The following TRAFD1 variants were observed in gnomAD, a reference collection of about 807,000 sequenced individuals.
The protein encoded by TRAFD1 is TRAF-type zinc finger domain-containing protein 1.
A neutral mutation model predicts 65.3 loss-of-function variants in TRAFD1; 38 were observed. The observed-to-expected ratio is 0.58, with a 90% CI of 0.45 to 0.76. The LOEUF is 0.76. Ranked by LOEUF, TRAFD1 falls within the 30% of genes least tolerant of loss-of-function variation. The probability of loss-of-function intolerance (pLI) is 0.00; values close to 1 mark genes in which losing one functional copy is unlikely to be tolerated. For missense variants in TRAFD1, 631 were observed against 712.6 expected (o/e 0.89, Z 1.30); for synonymous variants, 223 against 257.2 (o/e 0.87, Z 1.27).
intron 2 of TRAFD1, among the ~76,000 whole-genome samples, chr12:112,132,803 T>G (rs1248298242): frequency 6.6e-5 from 10 of 152,216 alleles, no homozygotes; most frequent in African/African-American, 2.2e-4. Context: ...TAAAGGTTAT[T>G]AAAAGAGAAA....
rs768683678 is a variant in TRAFD1 at position 112,140,974 on chromosome 12, C to T, written c.393C>T (p.His131=). 6.2e-7 allele frequency: 1 copy of T among 1,614,112 alleles called. No homozygotes were observed. Among genetic ancestry groups the T allele is most frequent in the Admixed American group, 1.7e-5 (1 of 60,012 alleles). ...TCCTTGTGAAAGATCTGAAGACTCACCCTGAAGTTTGTGGGAGAGAGGGGG... is the reference window on the plus strand; with the variant it reads ...TCCTTGTGAAAGATCTGAAGACTCATCCTGAAGTTTGTGGGAGAGAGGGGG... ...RNVLVKDLKT[H]PEVCGREGEE... is the part of the protein sequence containing the mutation. The change falls in exon 5 of 12, where the codon CAC becomes CAT. Residue 131 remains histidine, a synonymous_variant. Transcript: ENST00000412615.
At chr12:112,140,645 A>G (rs566991519) in intron 4 of TRAFD1, among the ~76,000 whole-genome samples, 174 bp from the exon 5 acceptor site, 3 of 152,258 alleles carry the variant, frequency 2.0e-5, no homozygotes, top group East Asian at 3.9e-4. Context: ...ACATTGTGGC[A>G]GGAACAAAAG....
chr12:112,142,255 C>T lies in TRAFD1; in HGVS notation c.810C>T (p.Asp270=). Residue 270 remains aspartate, a synonymous_variant, in exon 6 of 12, where the codon GAC becomes GAT. Transcript: ENST00000412615. ...TCTGGAGGGCCGTATGTGAGGCCGA[C>T]CAGTCTCATGGCGGTCCCAGGTCTC... ...QDFWRAVCEA[D]QSHGGPRSLS... 6.2e-7 allele frequency: 1 copy of T among 1,613,818 alleles called. No individual in the cohort carries two copies. Among genetic ancestry groups the T allele is most frequent in the Non-Finnish European group, 8.5e-7 (1 of 1,179,850 alleles).
At chr12:112,146,722 C>T (rs2030258687) in intron 7 of TRAFD1, among the ~76,000 whole-genome samples, 1 of 152,132 alleles carries the variant, frequency 6.6e-6, no homozygotes, top group Admixed American at 6.6e-5. Flanking sequence ...GGTCAGGAAC[C>T]ACACCTGTGT....
In TRAFD1 at chr12:112,149,810, A is replaced by C; in HGVS notation, c.1218A>C (p.Arg406Ser). The C allele has an allele frequency of 6.2e-7, 1 of 1,614,148 alleles. No individual in the cohort carries two copies. Among genetic ancestry groups the C allele is most frequent in the Non-Finnish European group, 8.5e-7 (1 of 1,180,020 alleles). The change falls in exon 9 of 12, where the codon AGA (arginine) becomes AGC (serine). Residue 406 changes from arginine to serine, a missense_variant. Physicochemically the swap from Arg to Ser is moderately radical, Grantham distance 110. Coordinates refer to ENST00000412615, the MANE Select transcript of TRAFD1 (RefSeq NM_006700.3). ...ACCATGTGACAGAGGGGATTCCTAGACTGGATTCCCAGCCTCAAGAGACCT... is the reference window on the plus strand; with the variant it reads ...ACCATGTGACAGAGGGGATTCCTAGCCTGGATTCCCAGCCTCAAGAGACCT... ...ATNHVTEGIP[R>S]LDSQPQETSP...
chr12:112,134,927 G>A (rs2079589313), intron 3 of TRAFD1, 54 bp downstream of exon 3: 3 of 1,611,988 alleles, frequency 1.9e-6, no homozygotes, highest in East Asian at 2.2e-5. Context: ...GCTGTTGTTC[G>A]TAAATGTATT....
chr12:112,147,798 G>A (rs544217470), intron 7 of TRAFD1, among the ~76,000 whole-genome samples: 93 of 152,094 alleles, frequency 6.1e-4, no homozygotes, highest in African/African-American at 2.2e-3. Flanking sequence ...AGCCTCCCAG[G>A]TAGCTGGGAT....
intron 6 of TRAFD1, among the ~76,000 whole-genome samples, chr12:112,143,225 G>A (rs1057093256): frequency 1.4e-4 from 22 of 151,802 alleles, no homozygotes; most frequent in African/African-American, 2.4e-4. Flanking sequence ...GACTACAGGC[G>A]CCCACCACTA....
At chr12:112,145,412 G>A (rs2030210702) in intron 6 of TRAFD1, among the ~76,000 whole-genome samples, 174 bp from the exon 7 acceptor site, 1 of 152,150 alleles carries the variant, frequency 6.6e-6, no homozygotes, top group African/African-American at 2.4e-5. Flanking sequence ...TTTTGGCCTA[G>A]AGTTTATCTC....
At position 112,146,860 on chromosome 12, in the gene TRAFD1, G is replaced by T. The variant is rs140975429; in HGVS notation, c.927+1198G>T. Among the ~76,000 whole-genome samples the T allele has an allele frequency of 1.9e-3, 291 of 152,274 alleles. 7 individuals carry two copies. The East Asian group carries it at 0.05, about 26-fold the overall frequency. ...CAGGTTCTGGGTTTTCCCAGTTTCG[G>T]AATCTCTAAATACTTGGTATCTGAA... On this transcript the variant is annotated intron_variant, in intron 7 of 11. Coordinates refer to ENST00000412615, the MANE Select transcript of TRAFD1 (RefSeq NM_006700.3).
rs1391838239 is a variant in TRAFD1 at position 112,153,477 on chromosome 12, G to A, written c.*686G>A. 1 of 152,218 alleles carries A rather than the reference G, an allele frequency of 6.6e-6. No homozygotes were observed. The highest frequency in any genetic ancestry group is 2.4e-5 in the African/African-American group (1 of 41,444). 9.4% of individuals were successfully genotyped at this position (152,218 alleles called of 1,614,324 possible). A position where few individuals can be genotyped will look rare whatever the true frequency, so the allele number is the denominator to read the frequency against. On this transcript the variant is annotated 3_prime_UTR_variant, in exon 12 of 12. Coordinates refer to ENST00000412615, the MANE Select transcript of TRAFD1 (RefSeq NM_006700.3). ...CCCTGTCCCCACAGCAGGTATGTTG[G>A]GCTCTGCCCCAGCCCCACACTTGCT...
chr12:112,138,532 A>G (rs570756146), intron 4 of TRAFD1, among the ~76,000 whole-genome samples: 4 of 152,012 alleles, frequency 2.6e-5, no homozygotes, highest in African/African-American at 9.6e-5. Context: ...CCTGGGCAAC[A>G]GAGTGAGACT....
At chr12:112,142,317 T>C in intron 6 of TRAFD1, 22 bp downstream of exon 6, 1 of 1,596,450 alleles carries the variant, frequency 6.3e-7, no homozygotes, top group African/African-American at 1.3e-5. Flanking sequence ...TATTCTGCAC[T>C]AGCCTCTTTC....
At chr12:112,142,366 T>C in intron 6 of TRAFD1, 71 bp downstream of exon 6, 3 of 1,478,166 alleles carry the variant, frequency 2.0e-6, no homozygotes, top group Non-Finnish European at 2.8e-6. Flanking sequence ...ACAATTCTTA[T>C]ACAATTGAAA....
In TRAFD1 at chr12:112,151,987, C is replaced by G; in HGVS notation, c.1466C>G (p.Ser489Ter). 1.2e-6 allele frequency: 2 copies of G among 1,614,260 alleles called. No homozygotes were observed. Among genetic ancestry groups the G allele is most frequent in the East Asian group, 2.2e-5 (1 of 44,884 alleles). Residue 489 changes from serine to a stop codon, truncating the protein, a stop_gained, in exon 10 of 12, where the codon TCA (serine) becomes TGA (stop). Coordinates refer to ENST00000412615, the MANE Select transcript of TRAFD1 (RefSeq NM_006700.3). LOFTEE classifies it high-confidence loss of function. ...CCTTGTGTGCCGAAGCTCAGCAACT[C>G]AGACAGCCAGGACATCCAGGGGCGG... ...SSPCVPKLSN[S>*]DSQDIQGRNR...
At chr12:112,135,207 T>G (rs2079591742) in intron 4 of TRAFD1, 141 bp downstream of exon 4, 2 of 971,002 alleles carry the variant, frequency 2.1e-6, no homozygotes, top group African/African-American at 3.2e-5. Flanking sequence ...GTTTGAGGCC[T>G]TGACTATGTA....
chr12:112,152,812 C>G lies in TRAFD1; in HGVS notation c.*21C>G, dbSNP rs974709742. On this transcript the variant is annotated 3_prime_UTR_variant, in exon 12 of 12. Coordinates refer to ENST00000412615, the MANE Select transcript of TRAFD1 (RefSeq NM_006700.3). The surrounding 1 kb of genome is among the most constrained non-coding windows in gnomAD (Gnocchi z 5.0). ...AGTAATGGTGTCTCCAGAGACTTTACATCGGTTCCTGTCTTCTGTGCACAG... is the reference window on the plus strand; with the variant it reads ...AGTAATGGTGTCTCCAGAGACTTTAGATCGGTTCCTGTCTTCTGTGCACAG... 3 of 1,613,704 alleles carry G rather than the reference C, an allele frequency of 1.9e-6. No individual in the cohort carries two copies. Among genetic ancestry groups the G allele is most frequent in the Admixed American group, 1.7e-5 (1 of 60,002 alleles).
chr12:112,128,005 C>T (rs569104650), intron 1 of TRAFD1, among the ~76,000 whole-genome samples: 57 of 150,854 alleles, frequency 3.8e-4, no homozygotes, highest in African/African-American at 1.3e-3. Context: ...ACCTGGCCCA[C>T]AGTATTGTCC....
intron 2 of TRAFD1, among the ~76,000 whole-genome samples, chr12:112,131,494 A>C (rs773601442): frequency 4.0e-4 from 61 of 152,210 alleles, no homozygotes; most frequent in Non-Finnish European, 7.5e-4. Context: ...TTAGCATAGA[A>C]GGCTGACTAA....
Sources: allele counts gnomAD v4.1 joint callset (sites outside exome capture counted in the v4.1 genomes callset), GRCh38; gene constraint gnomAD v4.1.1; non-coding constraint Gnocchi (gnomAD v3.1); transcripts MANE v1.5; gene names NCBI Gene and HGNC (gene_info 2026-07-23, HGNC 2026-07-21).